Variants in SEMA5A observed in about 807,000 individuals in gnomAD.
SEMA5A encodes the protein semaphorin 5A, also known as semaphorin-5A.
Under a neutral mutation model 135.5 loss-of-function variants are expected in SEMA5A, and 55 were observed. The observed-to-expected ratio is 0.41, with a 90% CI of 0.33 to 0.51. The LOEUF is 0.51. Ranked by LOEUF, SEMA5A falls within the 20% of genes least tolerant of loss-of-function variation. The pLI, the probability that SEMA5A is intolerant of heterozygous loss-of-function variation, is 0.37. For synonymous variants in SEMA5A, 580 were observed against 546.5 expected (o/e 1.06, Z -0.85); for missense variants, 1,290 against 1,419.9 (o/e 0.91, Z 1.47).
chr5:9,402,028 C>T (rs1325076799), intron 2 of SEMA5A, among the ~76,000 whole-genome samples: 1 of 152,232 alleles, frequency 6.6e-6, no homozygotes, highest in Non-Finnish European at 1.5e-5. Flanking sequence ...ATGTTCACTA[C>T]AATTAACTCT....
intron 3 of SEMA5A, among the ~76,000 whole-genome samples, chr5:9,378,594 G>A (rs971620687): frequency 6.6e-6 from 1 of 152,196 alleles, no homozygotes; most frequent in East Asian, 1.9e-4. Context: ...ATCAGAATGC[G>A]ATGAGCAAAC....
intron 5 of SEMA5A, among the ~76,000 whole-genome samples, chr5:9,240,675 T>A (rs1003412766): frequency 2.6e-5 from 4 of 152,096 alleles, no homozygotes. Context: ...TTGTTTAACC[T>A]GGTCACAACT....
chr5:9,355,945 G>A (rs1754424037), intron 3 of SEMA5A, among the ~76,000 whole-genome samples: 1 of 152,144 alleles, frequency 6.6e-6, no homozygotes, highest in Admixed American at 6.5e-5. Context: ...CAGAGCGATG[G>A]CTATGACGAT....
chr5:9,203,978 G>T (rs1561018000), intron 8 of SEMA5A, among the ~76,000 whole-genome samples: 1 of 151,794 alleles, frequency 6.6e-6, no homozygotes, highest in Non-Finnish European at 1.5e-5. Flanking sequence ...CTGGGTGGTG[G>T]GTGGGGGGGT....
intron 11 of SEMA5A, among the ~76,000 whole-genome samples, chr5:9,175,024 T>C (rs1744128544): frequency 6.6e-6 from 1 of 152,160 alleles, no homozygotes. Flanking sequence ...TTCTAAGAAG[T>C]ATTTTGTTTT....
chr5:9,380,509 A>G (rs941885905), intron 2 of SEMA5A, among the ~76,000 whole-genome samples: 1 of 152,212 alleles, frequency 6.6e-6, no homozygotes, highest in Non-Finnish European at 1.5e-5. Flanking sequence ...ATTGATGAAT[A>G]TTATGCTGCC....
chr5:9,109,127 G>A (rs1290634650), intron 15 of SEMA5A, among the ~76,000 whole-genome samples: 2 of 134,072 alleles, frequency 1.5e-5, no homozygotes, highest in Admixed American at 8.4e-5. Context: ...TGCAAGCTCC[G>A]CCTCCCGGGT....
intron 5 of SEMA5A, among the ~76,000 whole-genome samples, chr5:9,274,270 T>G (rs898313048): frequency 1.3e-5 from 2 of 152,130 alleles, no homozygotes; most frequent in African/African-American, 4.8e-5. Context: ...AAGGGATCAA[T>G]GCAACAAGAA....
intron 2 of SEMA5A, among the ~76,000 whole-genome samples, chr5:9,405,419 A>T (rs1469393234): frequency 6.6e-6 from 1 of 152,232 alleles, no homozygotes; most frequent in Non-Finnish European, 1.5e-5. Context: ...GCCCCAGGAC[A>T]ACATTTCTTC....
chr5:9,120,788 T>TTTC (rs1740773176), intron 14 of SEMA5A, among the ~76,000 whole-genome samples: 1 of 151,806 alleles, frequency 6.6e-6, no homozygotes, highest in Non-Finnish European at 1.5e-5. Flanking sequence ...GGATTGATTT[T>TTTC]TTTTTTTTTG....
chr5:9,380,044 G>A (rs1755529849), intron 2 of SEMA5A, 21 bp from the exon 3 acceptor site: 7 of 1,448,966 alleles, frequency 4.8e-6, no homozygotes, highest in Admixed American at 2.4e-5. Flanking sequence ...CAAAAGAGAA[G>A]AATCAGATGA....
At chr5:9,328,642 G>T (rs746310705) in intron 4 of SEMA5A, among the ~76,000 whole-genome samples, 6 of 152,156 alleles carry the variant, frequency 3.9e-5, no homozygotes, top group African/African-American at 1.4e-4. Flanking sequence ...CGGATATGGT[G>T]GTGGGTGCCT....
At chr5:9,275,248 C>T (rs1215001444) in intron 5 of SEMA5A, among the ~76,000 whole-genome samples, 1 of 152,086 alleles carries the variant, frequency 6.6e-6, no homozygotes, top group Non-Finnish European at 1.5e-5. Context: ...TGGAAAAGTT[C>T]CTGGACACAT....
intron 5 of SEMA5A, among the ~76,000 whole-genome samples, chr5:9,270,195 T>C (rs768928157): frequency 3.3e-5 from 5 of 152,078 alleles, no homozygotes; most frequent in Non-Finnish European, 7.4e-5. Flanking sequence ...CTCCTCGTGT[T>C]GTCACAATTT....
intron 1 of SEMA5A, among the ~76,000 whole-genome samples, chr5:9,449,976 T>C (rs1472239015): frequency 6.6e-6 from 1 of 152,212 alleles, no homozygotes; most frequent in Admixed American, 6.5e-5. Flanking sequence ...ATGCTGTTCA[T>C]AGGAGATTAG....
intron 2 of SEMA5A, among the ~76,000 whole-genome samples, chr5:9,435,129 C>T (rs1757986272): frequency 6.6e-6 from 1 of 152,148 alleles, no homozygotes; most frequent in Non-Finnish European, 1.5e-5. Flanking sequence ...CCTGTTCAAA[C>T]TCCATCTTTG....
intron 14 of SEMA5A, among the ~76,000 whole-genome samples, chr5:9,119,515 T>C (rs951892649): frequency 1.3e-5 from 2 of 152,194 alleles, no homozygotes; most frequent in African/African-American, 4.8e-5. Context: ...AGTTTAGGAT[T>C]TTTTGGACTT....
chr5:9,248,861 C>G (rs146709387), intron 5 of SEMA5A, among the ~76,000 whole-genome samples: 1 of 152,078 alleles, frequency 6.6e-6, no homozygotes, highest in African/African-American at 2.4e-5. Flanking sequence ...TTATTTTAGT[C>G]GCATAAGAAT....
At chr5:9,427,598 C>T (rs1019523709) in intron 2 of SEMA5A, among the ~76,000 whole-genome samples, 4 of 152,168 alleles carry the variant, frequency 2.6e-5, no homozygotes, top group Non-Finnish European at 5.9e-5. Flanking sequence ...ATGAATACAT[C>T]ACAACTGCTG....
Sources: allele counts gnomAD v4.1 joint callset (sites outside exome capture counted in the v4.1 genomes callset), GRCh38; gene constraint gnomAD v4.1.1; transcripts MANE v1.5; gene names NCBI Gene and HGNC (gene_info 2026-07-23, HGNC 2026-07-21).